CNTLN: variants seen among roughly 807,000 people sequenced by gnomAD.
CNTLN encodes centlein, centrosomal protein.
In CNTLN, 212 loss-of-function variants were observed where a neutral mutation model predicts 180.0. The ratio of observed to expected loss-of-function variants is 1.18; its 90% CI spans 1.05 to 1.32. The LOEUF is 1.32. CNTLN is among the 40% of genes most tolerant of loss of function. The pLI is 0.00. For synonymous variants in CNTLN, 722 were observed against 563.1 expected (o/e 1.28, Z -3.99); for missense variants, 2,095 against 1,610.9 (o/e 1.30, Z -5.14).
At chr9:17,185,944 C>T (rs1000926866) in intron 2 of CNTLN, among the ~76,000 whole-genome samples, 1 of 151,914 alleles carries the variant, frequency 6.6e-6, no homozygotes, top group Non-Finnish European at 1.5e-5. Context: ...AGGCGCGCAC[C>T]ACCACACCTG....
chr9:17,308,487 T>C (rs1259394462), intron 7 of CNTLN, among the ~76,000 whole-genome samples: 1 of 152,120 alleles, frequency 6.6e-6, no homozygotes, highest in Non-Finnish European at 1.5e-5. Context: ...TTAATAAGAA[T>C]GTAGAATTCA....
rs1564158254 is a variant in CNTLN at position 17,502,587 on chromosome 9, G to T, written c.4156G>T (p.Glu1386Ter). 3.6e-6 allele frequency: 5 copies of T among 1,406,826 alleles called. No individual in the cohort carries two copies. The South Asian group carries it at 6.6e-5, about 19-fold the overall frequency. 87.1% of individuals were successfully genotyped at this position (1,406,826 alleles called of 1,614,324 possible). The change falls in exon 26 of 26, where the codon GAA becomes TAA. Residue 1386 changes from glutamate to a stop codon, truncating the protein, a stop_gained. Coordinates refer to ENST00000380647, the MANE Select transcript of CNTLN (RefSeq NM_017738.4). LOFTEE classifies it high-confidence loss of function. ...FASYLLEAVL[E>*]KINEKKKLVE... ...CTCATATTTACTAGAAGCAGTACTG[G>T]AAAAAATAAATGAAAAAAAGAAACT...
intron 23 of CNTLN, among the ~76,000 whole-genome samples, chr9:17,479,131 T>G (rs1832507237): frequency 6.6e-6 from 1 of 152,196 alleles, no homozygotes; most frequent in Non-Finnish European, 1.5e-5. Flanking sequence ...GAAAACAGTG[T>G]GGAGATTCCT....
At chr9:17,340,718 C>T in intron 10 of CNTLN, 109 bp from the exon 11 acceptor site, 2 of 823,820 alleles carry the variant, frequency 2.4e-6, no homozygotes, top group South Asian at 2.9e-5. Context: ...TTTATGTTTA[C>T]ACACTATTTT....
intron 6 of CNTLN, among the ~76,000 whole-genome samples, chr9:17,297,751 A>G (rs1158359299): frequency 6.6e-6 from 1 of 152,170 alleles, no homozygotes; most frequent in Non-Finnish European, 1.5e-5. Flanking sequence ...TTGGTTTGAA[A>G]ACTTAAGTTT....
At chr9:17,448,153 A>G in intron 18 of CNTLN, 1 of 209,284 alleles carries the variant, frequency 4.8e-6, no homozygotes, top group South Asian at 9.7e-5. Flanking sequence ...TTAACTGCCC[A>G]TTAATTTCCT....
rs373972879 is a variant in CNTLN, at chr9:17,180,710, C to CT, written c.449+37340dup. Among the ~76,000 whole-genome samples the CT allele has an allele frequency of 4.5e-4, 69 of 152,126 alleles. 1 individual carries two copies. Among genetic ancestry groups the CT allele is most frequent in the African/African-American group, 1.6e-3 (65 of 41,520 alleles). ...ATTTAGAAAACTTACTTTAGCTATA[C>CT]TTTTTTGTTTGGTCTCATGACAACC... On this transcript the variant is annotated intron_variant, in intron 2 of 25. Transcript: ENST00000380647.
intron 5 of CNTLN, among the ~76,000 whole-genome samples, chr9:17,261,413 G>A (rs1016715085): frequency 6.6e-6 from 1 of 151,226 alleles, no homozygotes; most frequent in East Asian, 1.9e-4. Context: ...GTACTCCTGG[G>A]TATTTTGTTA....
chr9:17,216,108 T>A (rs574316034), intron 2 of CNTLN, among the ~76,000 whole-genome samples: 2 of 152,194 alleles, frequency 1.3e-5, no homozygotes, highest in Non-Finnish European at 2.9e-5. Context: ...GTTACCTCAG[T>A]TGGAAATGCA....
chr9:17,240,692 C>T (rs536770867), intron 5 of CNTLN, among the ~76,000 whole-genome samples: 1 of 151,964 alleles, frequency 6.6e-6, no homozygotes, highest in Admixed American at 6.6e-5. Flanking sequence ...TACATATTGT[C>T]CCATTCTGTT....
At chr9:17,364,760 T>G (rs1379408861) in intron 12 of CNTLN, among the ~76,000 whole-genome samples, 1 of 152,180 alleles carries the variant, frequency 6.6e-6, no homozygotes, top group Non-Finnish European at 1.5e-5. Flanking sequence ...AGCCTCCCTT[T>G]AGGGATGATT....
intron 18 of CNTLN, among the ~76,000 whole-genome samples, chr9:17,442,287 A>T (rs1830157198): frequency 6.6e-6 from 1 of 152,214 alleles, no homozygotes; most frequent in South Asian, 2.1e-4. Flanking sequence ...CATACCTTAA[A>T]TTTAAGAAGG....
intron 2 of CNTLN, among the ~76,000 whole-genome samples, chr9:17,171,735 C>T (rs1034649615): frequency 4.6e-5 from 7 of 151,932 alleles, no homozygotes; most frequent in South Asian, 2.1e-4. Flanking sequence ...GGCACAGGCA[C>T]CCCCACCGGT....
intron 12 of CNTLN, among the ~76,000 whole-genome samples, chr9:17,346,988 C>G (rs1821949227): frequency 6.6e-6 from 1 of 152,148 alleles, no homozygotes; most frequent in Non-Finnish European, 1.5e-5. Context: ...TACTGATTGT[C>G]TCTTCTCTCA....
intron 15 of CNTLN, among the ~76,000 whole-genome samples, chr9:17,399,176 A>G (rs966521945): frequency 1.3e-5 from 2 of 152,128 alleles, no homozygotes; most frequent in African/African-American, 4.8e-5. Context: ...GTTCTAAGCC[A>G]CCTCTTTGAG....
the CNTLN span, among the ~76,000 whole-genome samples, chr9:17,522,194 A>G: frequency 6.6e-6 from 1 of 152,214 alleles, no homozygotes; most frequent in African/African-American, 2.4e-5. Context: ...GGACGTGGCT[A>G]GTATAGTGCC....
rs1563982352 is a variant in CNTLN, at chr9:17,309,249, A to G, written c.1338A>G (p.Ala446=). ...AAGAAAGTGATCCAGACTACTCAGCACAGGTGAGAGACATTTTCTAAAACT... is the reference window on the plus strand; with the variant it reads ...AAGAAAGTGATCCAGACTACTCAGCGCAGGTGAGAGACATTTTCTAAAACT... The part of the protein sequence containing the change: ...LPQESDPDYS[A]QVPHRPSLSS... The change falls in exon 8 of 26, where the codon GCA becomes GCG. Residue 446 remains alanine, a synonymous_variant. Coordinates refer to ENST00000380647, the MANE Select transcript of CNTLN (RefSeq NM_017738.4). The G allele has an allele frequency of 1.3e-6, 2 of 1,562,148 alleles. No individual in the cohort carries two copies. Among genetic ancestry groups the G allele is most frequent in the Non-Finnish European group, 1.7e-6 (2 of 1,156,064 alleles).
At chr9:17,438,392 C>T (rs5001765) in intron 18 of CNTLN, among the ~76,000 whole-genome samples, 10,913 of 151,960 alleles carry the variant, frequency 0.072, 536 homozygotes, top group East Asian at 0.18. Flanking sequence ...AGTTTGATGA[C>T]CAATTGCATA....
chr9:17,480,875 G>C (rs1296483324), intron 23 of CNTLN, among the ~76,000 whole-genome samples: 1 of 152,152 alleles, frequency 6.6e-6, no homozygotes, highest in African/African-American at 2.4e-5. Context: ...TTAGATATTA[G>C]AAAAATAATA....
Sources: allele counts gnomAD v4.1 joint callset (sites outside exome capture counted in the v4.1 genomes callset), GRCh38; gene constraint gnomAD v4.1.1; transcripts MANE v1.5; gene names NCBI Gene and HGNC (gene_info 2026-07-23, HGNC 2026-07-21).